The following HERC1 variants were observed in gnomAD, a reference collection of about 807,000 sequenced individuals.
HERC1 encodes probable E3 ubiquitin-protein ligase HERC1.
HERC1 carries 160 observed loss-of-function variants against 554.3 expected under a neutral mutation model. The observed-to-expected ratio is 0.29, with a 90% CI of 0.25 to 0.33. HERC1 has a LOEUF of 0.33. HERC1 is among the 10% of genes least tolerant of loss of function. HERC1 has a pLI of 1.00. For synonymous variants in HERC1, 2,175 were observed against 2,131.7 expected (o/e 1.02, Z -0.56); for missense variants, 4,919 against 5,918.5 (o/e 0.83, Z 5.54).
intron 55 of HERC1, among the ~76,000 whole-genome samples, chr15:63,646,634 T>C (rs1426895134): frequency 6.7e-6 from 1 of 150,322 alleles, no homozygotes; most frequent in Non-Finnish European, 1.5e-5. Context: ...ACCCCGTCTC[T>C]AGTAAAAATA....
At chr15:63,635,288 A>G (rs1402610854) in intron 65 of HERC1, among the ~76,000 whole-genome samples, 2 of 152,154 alleles carry the variant, frequency 1.3e-5, no homozygotes, top group African/African-American at 4.8e-5. Flanking sequence ...GCCTCAAGCA[A>G]TCCTCTTGCC....
At chr15:63,618,959 C>T (rs917619984) in intron 74 of HERC1, among the ~76,000 whole-genome samples, 2 of 152,104 alleles carry the variant, frequency 1.3e-5, no homozygotes, top group African/African-American at 4.8e-5. Flanking sequence ...AATTTGACTT[C>T]CTCTTTTCCT....
intron 46 of HERC1, among the ~76,000 whole-genome samples, chr15:63,660,210 C>T (rs952288897): frequency 6.6e-6 from 1 of 152,104 alleles, no homozygotes; most frequent in East Asian, 1.9e-4. Context: ...ATCCCAGCTA[C>T]TCAGGAGGCT....
intron 22 of HERC1, among the ~76,000 whole-genome samples, chr15:63,715,183 T>C (rs1258239749): frequency 6.6e-6 from 1 of 152,218 alleles, no homozygotes; most frequent in Admixed American, 6.5e-5. Flanking sequence ...TAGAATGAGG[T>C]AGTACTAGAA....
At chr15:63,798,070 C>G (rs1471323249) in intron 1 of HERC1, among the ~76,000 whole-genome samples, 1 of 152,138 alleles carries the variant, frequency 6.6e-6, no homozygotes, top group Non-Finnish European at 1.5e-5. Flanking sequence ...AAGTCCCCAG[C>G]CCCACCCAAC....
At chr15:63,691,110 G>A (rs545134506) in intron 31 of HERC1, among the ~76,000 whole-genome samples, 1 of 152,146 alleles carries the variant, frequency 6.6e-6, no homozygotes, top group African/African-American at 2.4e-5. Flanking sequence ...CTCCGTCCAT[G>A]CACTGACTGT....
chr15:63,832,907 G>T (rs2146246712), intron 1 of HERC1, among the ~76,000 whole-genome samples: 1 of 152,232 alleles, frequency 6.6e-6, no homozygotes, highest in South Asian at 2.1e-4. Flanking sequence ...TACAAAGATG[G>T]GTTAGTTTGT....
chr15:63,699,623 T>C (rs774529144), intron 25 of HERC1, among the ~76,000 whole-genome samples: 1 of 152,186 alleles, frequency 6.6e-6, no homozygotes, highest in Non-Finnish European at 1.5e-5. Context: ...AACTCCTATA[T>C]AGAGGAAGCA....
At chr15:63,821,215 A>G (rs1008700679) in intron 1 of HERC1, among the ~76,000 whole-genome samples, 2 of 152,064 alleles carry the variant, frequency 1.3e-5, no homozygotes, top group Non-Finnish European at 2.9e-5. Context: ...TGAACCCAGG[A>G]GTTTGAGACC....
intron 1 of HERC1, among the ~76,000 whole-genome samples, chr15:63,808,853 A>G (rs2077211331): frequency 6.6e-6 from 1 of 152,152 alleles, no homozygotes; most frequent in South Asian, 2.1e-4. Flanking sequence ...ATCACCTCCC[A>G]TGTCTTTAGA....
Position 63,655,863 on chromosome 15 carries a change from A to G in HERC1, c.9963T>C (p.Ala3321=). Residue 3321 remains alanine (A), a synonymous_variant, in exon 50 of 78, where the codon GCT becomes GCC. Transcript: ENST00000443617. The part of the protein sequence containing the change: ...KFLPSFLRGI[A]EENKLVTSPN... ...GGGAGGTCACAAGCTTGTTCTCTTC[A>G]GCAATTCCTCGGAGAAAGCTGGGTA... 1 of 1,610,522 alleles carries G rather than the reference A, an allele frequency of 6.2e-7. No individual in the cohort carries two copies.
intron 3 of HERC1, among the ~76,000 whole-genome samples, chr15:63,762,945 C>T (rs1483346047): frequency 6.6e-6 from 1 of 152,162 alleles, no homozygotes; most frequent in Non-Finnish European, 1.5e-5. Flanking sequence ...TCTCAAGTAG[C>T]AGAACATGTT....
chr15:63,706,790 G>A lies in HERC1; in HGVS notation c.4626C>T (p.His1542=), dbSNP rs1487478770. The change falls in exon 25 of 78, where the codon CAC becomes CAT. Residue 1542 remains histidine, a synonymous_variant. Coordinates refer to ENST00000443617, the MANE Select transcript of HERC1 (RefSeq NM_003922.4). ...RNVDLDLAAS[H]RKRGPMHSQL... ...AATACTTACACTTACCTCTCTTTCT[G>A]TGAGATGCTGCCAAATCCAAATCAA... 6.5e-7 allele frequency: 1 copy of A among 1,536,574 alleles called. No individual in the cohort carries two copies. Among genetic ancestry groups the A allele is most frequent in the African/African-American group, 1.4e-5 (1 of 72,350 alleles).
At position 63,731,284 on chromosome 15, in the gene HERC1, T is replaced by C. The variant is rs532476670; in HGVS notation, c.2869-1635A>G. On this transcript the variant is annotated intron_variant, in intron 14 of 77. Coordinates refer to ENST00000443617, the MANE Select transcript of HERC1 (RefSeq NM_003922.4). ...TATACAAGACAATATGAGAACACTG[T>C]AGGGCCCTTGCTCTAAGTTGTTAAT... Among the ~76,000 whole-genome samples the C allele has an allele frequency of 2.0e-5, 3 of 152,312 alleles. No individual in the cohort carries two copies. In the South Asian group the frequency reaches 6.2e-4, roughly 32 times the overall value.
At position 63,776,670 on chromosome 15, in the gene HERC1, G is replaced by C. The variant is rs117762519; in HGVS notation, c.-26-1021C>G. Among the ~76,000 whole-genome samples the C allele has an allele frequency of 2.0e-5, 3 of 152,230 alleles. No individual in the cohort carries two copies. In the East Asian group the frequency reaches 5.8e-4, roughly 29 times the overall value. ...TGTGGAATACACAGGTTGCGCATTT[G>C]TTAAAACCTAGTGGGCTGGGCATGG... On this transcript the variant is annotated intron_variant, in intron 1 of 77. Coordinates refer to ENST00000443617, the MANE Select transcript of HERC1 (RefSeq NM_003922.4).
chr15:63,666,536 T>C (rs1041685832), intron 40 of HERC1, 64 bp from the exon 41 acceptor site: 1 of 1,029,058 alleles, frequency 9.7e-7, no homozygotes, highest in Non-Finnish European at 1.5e-6. Context: ...AAAAAGTGTC[T>C]TCATAGTCCT....
intron 42 of HERC1, among the ~76,000 whole-genome samples, chr15:63,664,973 T>A (rs1052214177): frequency 6.6e-6 from 1 of 152,168 alleles, no homozygotes; most frequent in Non-Finnish European, 1.5e-5. Flanking sequence ...TTCACTGAGC[T>A]TGTTGGAAAA....
At position 63,775,451 on chromosome 15, in the gene HERC1, T is replaced by C. The variant is rs748757671; in HGVS notation, c.173A>G (p.Lys58Arg). ...TTCAAAGTCTGGCAACTGTGGTCCT[T>C]TGAGGCATAAAACTTGTTGGGGCAA... ...VPLPQQVLCL[K>R]GPQLPDFERE... The change falls in exon 2 of 78, where the codon AAA becomes AGA. Residue 58 changes from lysine to arginine, a missense_variant. Around this residue, in one of 11 missense-constraint regions of HERC1, gnomAD observed 110 missense variants for 99.3 expected, o/e 1.11. Transcript: ENST00000443617. The surrounding 1 kb of genome is among the most constrained non-coding windows in gnomAD (Gnocchi z 4.0). 7 of 1,614,030 alleles carry C rather than the reference T, an allele frequency of 4.3e-6. No homozygotes were observed. The highest frequency in any genetic ancestry group is 4.5e-5 in the East Asian group (2 of 44,888).
intron 46 of HERC1, among the ~76,000 whole-genome samples, chr15:63,660,168 A>T (rs1595912818): frequency 6.6e-6 from 1 of 151,898 alleles, no homozygotes; most frequent in East Asian, 1.9e-4. Flanking sequence ...AAAAATACAA[A>T]AATTAGCCAG....
Sources: allele counts gnomAD v4.1 joint callset (sites outside exome capture counted in the v4.1 genomes callset), GRCh38; gene constraint gnomAD v4.1.1; regional missense constraint gnomAD v4.1.1; non-coding constraint Gnocchi (gnomAD v3.1); transcripts MANE v1.5; gene names NCBI Gene and HGNC (gene_info 2026-07-23, HGNC 2026-07-21).